SGMS1: variants seen among roughly 807,000 people sequenced by gnomAD.
The protein encoded by SGMS1 is phosphatidylcholine:ceramide cholinephosphotransferase 1.
SGMS1 carries 13 observed loss-of-function variants against 46.2 expected under a neutral mutation model. That is an observed-to-expected ratio of 0.28 (90% CI 0.18 to 0.45). SGMS1 has a LOEUF of 0.45. Among genes scored for constraint, SGMS1 ranks in the 20% least tolerant of loss-of-function variants. The probability of loss-of-function intolerance (pLI) is 1.00; values close to 1 mark genes in which losing one functional copy is unlikely to be tolerated. For missense variants in SGMS1, 324 were observed against 519.9 expected, an observed-to-expected ratio of 0.62 and a Z score of 3.66; for synonymous variants, 203 against 187.8, an observed-to-expected ratio of 1.08 and a Z score of -0.66.
chr10:50,416,014 T>C (rs771335368), intron 6 of SGMS1, among the ~76,000 whole-genome samples: 1 of 152,174 alleles, frequency 6.6e-6, no homozygotes, highest in South Asian at 2.1e-4. Flanking sequence ...AAGGCGGCCA[T>C]GTGCATTAAC....
At chr10:50,518,828 T>G (rs535171110) in intron 3 of SGMS1, among the ~76,000 whole-genome samples, 97 of 152,204 alleles carry the variant, frequency 6.4e-4, no homozygotes, top group Non-Finnish European at 1.2e-3. Flanking sequence ...ACTGAAATTT[T>G]TGTCTAAATT....
rs186844467 is a variant in SGMS1 at position 50,307,424 on chromosome 10, G to A, written c.1063-103C>T. On this transcript the variant is annotated intron_variant, in intron 10 of 10. Coordinates refer to ENST00000361781, the MANE Select transcript of SGMS1 (RefSeq NM_147156.4). This position sits in a 1 kb window ranked among gnomAD's most constrained non-coding sequence, Gnocchi z 4.2. Reference sequence around the variant, plus strand: ...CCAAAGGACTCCATACCTGCCCTGCGTGTCCACCCACATATCCCAGCTTCT... The same window carrying A: ...CCAAAGGACTCCATACCTGCCCTGCATGTCCACCCACATATCCCAGCTTCT... The A allele has an allele frequency of 8.7e-6, 8 of 921,478 alleles. No individual in the cohort carries two copies. In the Admixed American group the frequency reaches 1.2e-4, roughly 13 times the overall value. The allele number at this position is 921,478 out of a possible 1,614,324, so 57.1% of individuals were successfully genotyped here.
At position 50,344,176 on chromosome 10, in the gene SGMS1, G is replaced by C. The variant is rs537357738; in HGVS notation, c.-62C>G. Reference sequence around the variant, plus strand: ...TTGGCAGGTCAGCAGTCACTGTTCCGACAGGGCAGGACACTGTCCTGCCTC... The same window carrying C: ...TTGGCAGGTCAGCAGTCACTGTTCCCACAGGGCAGGACACTGTCCTGCCTC... On this transcript the variant is annotated 5_prime_UTR_variant, in exon 7 of 11. Coordinates refer to ENST00000361781, the MANE Select transcript of SGMS1 (RefSeq NM_147156.4). 1.3e-6 allele frequency: 2 copies of C among 1,517,838 alleles called. No homozygotes were observed. The highest frequency in any genetic ancestry group is 2.3e-5 in the East Asian group (1 of 44,302). The allele number at this position is 1,517,838 out of a possible 1,614,324, so 94.0% of individuals were successfully genotyped here.
At chr10:50,354,477 C>T (rs1848098408) in intron 6 of SGMS1, among the ~76,000 whole-genome samples, 2 of 152,154 alleles carry the variant, frequency 1.3e-5, no homozygotes, top group South Asian at 2.1e-4. Context: ...AGACCTAAAA[C>T]CATAAAAACC....
intron 6 of SGMS1, among the ~76,000 whole-genome samples, chr10:50,423,823 C>CA (rs1317039219): frequency 1.3e-5 from 2 of 152,204 alleles, no homozygotes; most frequent in Non-Finnish European, 2.9e-5. Context: ...ATACTGTACT[C>CA]AAACTCCATT....
intron 1 of SGMS1, among the ~76,000 whole-genome samples, chr10:50,597,114 T>C (rs1838602087): frequency 6.6e-6 from 1 of 152,178 alleles, no homozygotes; most frequent in Non-Finnish European, 1.5e-5. Flanking sequence ...ACAATGCTGA[T>C]ATAAAAAGGC....
chr10:50,493,449 C>A (rs1240807213), intron 3 of SGMS1, among the ~76,000 whole-genome samples: 1 of 152,128 alleles, frequency 6.6e-6, no homozygotes, highest in Non-Finnish European at 1.5e-5. Flanking sequence ...AAAGCAATTA[C>A]AACATAAGCA....
chr10:50,471,710 C>T (rs1837380263), intron 3 of SGMS1, among the ~76,000 whole-genome samples: 1 of 152,202 alleles, frequency 6.6e-6, no homozygotes, highest in Non-Finnish European at 1.5e-5. Context: ...AGAACTCTCA[C>T]TGAGAAATTC....
Position 50,622,367 on chromosome 10 carries a change from C to T in SGMS1, c.-684+1340G>A, listed in dbSNP as rs143975546. ...GCGTTCCTACGTCACCAGTCCCACT[C>T]CTCTCCTTCGGCCCACTCAGTCCCC... is the stretch of plus-strand genomic sequence containing the variant. On this transcript the variant is annotated intron_variant, in intron 1 of 10. Coordinates refer to ENST00000361781, the MANE Select transcript of SGMS1 (RefSeq NM_147156.4). Among the ~76,000 whole-genome samples, 354 of 152,276 alleles carry T rather than the reference C, an allele frequency of 2.3e-3. 1 individual carries two copies. Among genetic ancestry groups the T allele is most frequent in the African/African-American group, 8.0e-3 (334 of 41,540 alleles).
At chr10:50,324,222 C>A (rs1457853704) in intron 8 of SGMS1, among the ~76,000 whole-genome samples, 1 of 152,192 alleles carries the variant, frequency 6.6e-6, no homozygotes, top group African/African-American at 2.4e-5. Context: ...AACTGAGGCT[C>A]TGAAAAGTTA....
chr10:50,546,818 A>G (rs768386472), intron 2 of SGMS1, among the ~76,000 whole-genome samples: 4 of 152,144 alleles, frequency 2.6e-5, no homozygotes, highest in African/African-American at 4.8e-5. Context: ...GCATGTATAC[A>G]TATGTAACAA....
chr10:50,606,514 G>A (rs1838695488), intron 1 of SGMS1, among the ~76,000 whole-genome samples: 1 of 152,156 alleles, frequency 6.6e-6, no homozygotes, highest in African/African-American at 2.4e-5. Flanking sequence ...GTTTGTACTT[G>A]TTTAAAGTAT....
At chr10:50,594,040 G>C (rs554109750) in intron 1 of SGMS1, among the ~76,000 whole-genome samples, 3 of 152,234 alleles carry the variant, frequency 2.0e-5, no homozygotes, top group Admixed American at 2.0e-4. Context: ...TTCCAAAGTG[G>C]TTGTGTACAA....
chr10:50,499,759 T>C (rs1273232559), intron 3 of SGMS1, among the ~76,000 whole-genome samples: 1 of 152,214 alleles, frequency 6.6e-6, no homozygotes, highest in Non-Finnish European at 1.5e-5. Flanking sequence ...AGAGTGCACA[T>C]TGTGAGACAA....
At chr10:50,495,075 A>C (rs200104302) in intron 3 of SGMS1, among the ~76,000 whole-genome samples, 9,915 of 141,210 alleles carry the variant, frequency 0.07, 1,327 homozygotes, top group East Asian at 0.37. Context: ...AAAAAATACA[A>C]AAAAAAAAAA....
At chr10:50,322,666 A>G (rs948515419) in intron 8 of SGMS1, among the ~76,000 whole-genome samples, 3 of 151,090 alleles carry the variant, frequency 2.0e-5, no homozygotes, top group African/African-American at 7.3e-5. Context: ...CCCCGTCTCT[A>G]CTAAAAATAC....
intron 5 of SGMS1, among the ~76,000 whole-genome samples, chr10:50,454,887 G>A (rs1302087791): frequency 6.6e-6 from 1 of 152,056 alleles, no homozygotes; most frequent in African/African-American, 2.4e-5. Flanking sequence ...AAGAACATAG[G>A]TCATGCATTT....
intron 4 of SGMS1, among the ~76,000 whole-genome samples, chr10:50,462,589 T>C (rs873252): frequency 0.026 from 4,010 of 152,216 alleles, 181 homozygotes; most frequent in African/African-American, 0.09. Flanking sequence ...GATGTCACAA[T>C]AGGAAATATG....
intron 3 of SGMS1, among the ~76,000 whole-genome samples, chr10:50,476,099 A>C (rs1395973292): frequency 7.9e-6 from 1 of 126,562 alleles, no homozygotes; most frequent in African/African-American, 3.6e-5. Flanking sequence ...TAAAAATACA[A>C]AAAAAAAAAA....
Sources: gnomAD v4.1 joint callset for allele counts (sites outside exome capture counted in the v4.1 genomes callset) on GRCh38, gnomAD v4.1.1 for gene constraint, Gnocchi (gnomAD v3.1) non-coding constraint, MANE v1.5 for transcripts, NCBI Gene and HGNC (gene_info 2026-07-23, HGNC 2026-07-21) for gene names.